The following KAT8 variants were observed in gnomAD, a reference collection of about 807,000 sequenced individuals.
KAT8 encodes the protein lysine acetyltransferase 8.
Under a neutral mutation model 62.9 loss-of-function variants are expected in KAT8, and 40 were observed. That is an observed-to-expected ratio of 0.64 (90% CI 0.49 to 0.83). The LOEUF (loss-of-function observed/expected upper bound fraction) is 0.83, where lower values mean the gene tolerates loss of function less well. KAT8 is among the 40% of genes least tolerant of loss of function. The probability of loss-of-function intolerance (pLI) is 0.00; values close to 1 mark genes in which losing one functional copy is unlikely to be tolerated. For synonymous variants in KAT8, 278 were observed against 254.5 expected (o/e 1.09, Z -0.88); for missense variants, 387 against 614.8 (o/e 0.63, Z 3.92).
At chr16:31,122,089 C>A (rs8044643) in intron 3 of KAT8, 149,578 of 152,344 alleles carry the variant, frequency 0.98, 73,503 homozygotes, top group East Asian at 1. Flanking sequence ...CAGGAGTGCA[C>A]ACCAGAGCAA....
rs1218919973 is a variant in KAT8 at position 31,131,265 on chromosome 16, C to T, written c.*6C>T. The T allele has an allele frequency of 1.2e-6, 2 of 1,614,192 alleles. No homozygotes were observed. Among genetic ancestry groups the T allele is most frequent in the Admixed American group, 3.3e-5 (2 of 60,024 alleles). Reference sequence around the variant, plus strand: ...TCAAGCTCTCCAAGAAGTGAGCAGCCTGGCCCCTGCTGTCGGACCTGAGCC... The same window carrying T: ...TCAAGCTCTCCAAGAAGTGAGCAGCTTGGCCCCTGCTGTCGGACCTGAGCC... On this transcript the variant is annotated 3_prime_UTR_variant, in exon 11 of 11. Coordinates refer to ENST00000219797, the MANE Select transcript of KAT8 (RefSeq NM_032188.3).
intron 6 of KAT8, among the ~76,000 whole-genome samples, chr16:31,129,177 C>T (rs1237193841): frequency 6.6e-6 from 1 of 152,206 alleles, no homozygotes; most frequent in Non-Finnish European, 1.5e-5. Flanking sequence ...CAGTGCTTAG[C>T]ACTAGTATGT....
intron 3 of KAT8, chr16:31,122,687 GGC>G (rs971465947): frequency 6.6e-6 from 1 of 151,728 alleles, no homozygotes; most frequent in African/African-American, 2.4e-5. Flanking sequence ...AGACCATCCC[GGC>G]TAACATGGTG....
chr16:31,127,708 T>G (rs1017179841), intron 5 of KAT8, among the ~76,000 whole-genome samples: 4 of 152,158 alleles, frequency 2.6e-5, no homozygotes, highest in Non-Finnish European at 5.9e-5. Flanking sequence ...GAAGGGGCGC[T>G]CTCATCACTG....
chr16:31,120,590 G>C, intron 3 of KAT8, 76 bp downstream of exon 3: 2 of 1,390,412 alleles, frequency 1.4e-6, no homozygotes, highest in Non-Finnish European at 2.0e-6. Flanking sequence ...TCGGGCCCCA[G>C]TGCCAAAACC....
chr16:31,119,330 A>G (rs1478087036), intron 1 of KAT8, among the ~76,000 whole-genome samples: 2 of 151,858 alleles, frequency 1.3e-5, no homozygotes, highest in Non-Finnish European at 2.9e-5. Flanking sequence ...TTGTATTTTT[A>G]GTAGAGACGA....
At chr16:31,121,539 A>G (rs1490756706) in intron 3 of KAT8, among the ~76,000 whole-genome samples, 1 of 152,096 alleles carries the variant, frequency 6.6e-6, no homozygotes, top group Non-Finnish European at 1.5e-5. Context: ...TCAACCAGCT[A>G]AATTGTGCTA....
intron 3 of KAT8, among the ~76,000 whole-genome samples, chr16:31,125,382 T>TA (rs1011452720): frequency 2.6e-5 from 4 of 151,846 alleles, no homozygotes; most frequent in Admixed American, 6.6e-5. Context: ...GGCTGGTTGA[T>TA]CACCTGAGGT....
chr16:31,117,740 A>T lies in KAT8; in HGVS notation c.59A>T (p.Glu20Val). The T allele has an allele frequency of 7.3e-7, 1 of 1,369,984 alleles. No individual in the cohort carries two copies. The highest frequency in any genetic ancestry group is 9.5e-7 in the Non-Finnish European group (1 of 1,054,768). 84.9% of individuals were successfully genotyped at this position (1,369,984 alleles called of 1,614,324 possible). Reference protein sequence around the residue: ...VAAGTSGVAGEGEPGPGENAA... With the variant: ...VAAGTSGVAGVGEPGPGENAA... ...GCGGGGACTTCAGGGGTCGCGGGGG[A>T]GGGCGAGCCCGGGCCCGGGGAGAAT... The change falls in exon 1 of 11, where the codon GAG becomes GTG. Residue 20 changes from glutamate to valine, a missense_variant. By Grantham distance (121) the Glu-to-Val change is moderately radical. Transcript: ENST00000219797.
In KAT8 at chr16:31,130,613, G is replaced by C; in HGVS notation, c.1157+7G>C. 6.2e-7 allele frequency: 1 copy of C among 1,613,782 alleles called. No homozygotes were observed. ...TGTCCATCAAGGACCTCAGGTGAGG[G>C]GGCCTCCCGGGCCCTGGGGGCAGGA... is the stretch of plus-strand genomic sequence containing the variant. On this transcript the variant is annotated splice_region_variant and intron_variant, in intron 9 of 10. Coordinates refer to ENST00000219797, the MANE Select transcript of KAT8 (RefSeq NM_032188.3).
intron 6 of KAT8, among the ~76,000 whole-genome samples, chr16:31,128,684 A>G (rs1047302499): frequency 2.0e-5 from 3 of 152,188 alleles, no homozygotes; most frequent in African/African-American, 7.2e-5. Flanking sequence ...TTGTTCTGGA[A>G]CCCAGAGGAG....
At chr16:31,122,896 T>A (rs1331422231) in intron 3 of KAT8, among the ~76,000 whole-genome samples, 1 of 151,390 alleles carries the variant, frequency 6.6e-6, no homozygotes, top group African/African-American at 2.4e-5. Flanking sequence ...AAAAAATTTT[T>A]AAATTATGGG....
intron 3 of KAT8, chr16:31,126,622 T>G (rs73530231): frequency 0.01 from 2,053 of 200,542 alleles, 32 homozygotes; most frequent in African/African-American, 0.044. Context: ...AGGCAGGGTC[T>G]GGTCCTCAGG....
chr16:31,128,327 TGCCTGA>T (rs2057548557), intron 6 of KAT8, among the ~76,000 whole-genome samples, 188 bp downstream of exon 6: 1 of 152,074 alleles, frequency 6.6e-6, no homozygotes, highest in African/African-American at 2.4e-5. Context: ...GTGGGCAGAT[TGCCTGA>T]GCTCAGGAGT....
At chr16:31,128,694 G>A (rs1366249967) in intron 6 of KAT8, among the ~76,000 whole-genome samples, 3 of 152,226 alleles carry the variant, frequency 2.0e-5, no homozygotes, top group African/African-American at 7.2e-5. Context: ...ACCCAGAGGA[G>A]ATTTTCTTGC....
At position 31,124,731 on chromosome 16, in the gene KAT8, CAAAAAAAAA is replaced by C. The variant is rs551229166; in HGVS notation, c.463-2292_463-2284del. 4.0e-3 allele frequency among the ~76,000 whole-genome samples: 242 copies of C among 61,090 alleles called. 1 individual carries two copies. Among genetic ancestry groups the C allele is most frequent in the African/African-American group, 0.016 (232 of 14,636 alleles). 40.1% of individuals were successfully genotyped at this position (61,090 alleles called of 152,430 possible). On this transcript the variant is annotated intron_variant, in intron 3 of 10. Coordinates refer to ENST00000219797, the MANE Select transcript of KAT8 (RefSeq NM_032188.3). ...TGGGCGACAGGGCGAGGCTCCATTT[CAAAAAAAAA>C]AAAAAAAAAAAGGCTATGGCTCATG... is the stretch of plus-strand genomic sequence containing the variant.
rs1326226071 is a variant in KAT8, at chr16:31,128,146, G to T, written c.771+7G>T. The T allele has an allele frequency of 6.2e-7, 1 of 1,611,078 alleles. No individual in the cohort carries two copies. On this transcript the variant is annotated splice_region_variant and intron_variant, in intron 6 of 10. Transcript: ENST00000219797. ...TGATGGCAAAGACCATAAGGTGAGTGGGTGGCCAGGGGTTGGGAGAGGCCG... is the reference window on the plus strand; with the variant it reads ...TGATGGCAAAGACCATAAGGTGAGTTGGTGGCCAGGGGTTGGGAGAGGCCG...
At chr16:31,128,223 G>A in intron 6 of KAT8, 84 bp downstream of exon 6, 3 of 1,093,522 alleles carry the variant, frequency 2.7e-6, no homozygotes, top group Non-Finnish European at 2.8e-6. Context: ...AAAGGGGAGG[G>A]GGCAGCCTTA....
Position 31,127,177 on chromosome 16 carries a change from CCCTG to C in KAT8, c.517-6_517-3del. On this transcript the variant is annotated splice_region_variant and splice_polypyrimidine_tract_variant and intron_variant, in intron 4 of 10. Transcript: ENST00000219797. The stretch of plus-strand genomic sequence containing the variant: ...AGCCGTGCACTGTGCCTCACTCCCA[CCCTG>C]CCTGCAGATCACCAAGGTGAAGTAT... 6.2e-7 allele frequency: 1 copy of C among 1,614,244 alleles called. No individual in the cohort carries two copies. Among genetic ancestry groups the C allele is most frequent in the Non-Finnish European group, 8.5e-7 (1 of 1,180,038 alleles).
Sources: gnomAD v4.1 joint callset for allele counts (sites outside exome capture counted in the v4.1 genomes callset) on GRCh38, gnomAD v4.1.1 for gene constraint, MANE v1.5 for transcripts, NCBI Gene and HGNC (gene_info 2026-07-23, HGNC 2026-07-21) for gene names.